Variants in ZNF831 observed in about 807,000 individuals in gnomAD.
The protein encoded by ZNF831 is zinc finger protein 831, also known as chromosome 20 open reading frame 174.
A neutral mutation model predicts 95.8 loss-of-function variants in ZNF831; 59 were observed. That is an observed-to-expected ratio of 0.62 (90% CI 0.50 to 0.77). ZNF831 has a LOEUF of 0.77. Ranked by LOEUF, ZNF831 falls within the 30% of genes least tolerant of loss-of-function variation. The pLI, the probability that ZNF831 is intolerant of heterozygous loss-of-function variation, is 0.00. For missense variants in ZNF831, 2,205 were observed against 2,164.0 expected (o/e 1.02, Z -0.38); for synonymous variants, 961 against 925.5 (o/e 1.04, Z -0.70).
chr20:59,223,303 G>A (rs1986219210), intron 4 of ZNF831, among the ~76,000 whole-genome samples: 1 of 152,176 alleles, frequency 6.6e-6, no homozygotes, highest in African/African-American at 2.4e-5. Flanking sequence ...GCTCCCAATC[G>A]CTGCACGGTG....
intron 1 of ZNF831, among the ~76,000 whole-genome samples, chr20:59,182,531 C>G (rs949018016): frequency 2.0e-5 from 3 of 151,962 alleles, no homozygotes; most frequent in Non-Finnish European, 2.9e-5. Context: ...GATGGCTGAG[C>G]GCAGCTGGCA....
intron 3 of ZNF831, among the ~76,000 whole-genome samples, chr20:59,202,109 A>T (rs113192410): frequency 5.9e-5 from 9 of 152,178 alleles, no homozygotes; most frequent in African/African-American, 1.9e-4. Flanking sequence ...TTTACTTGGG[A>T]TGGTAAATCT....
chr20:59,230,576 A>G (rs1986670407), intron 4 of ZNF831, among the ~76,000 whole-genome samples: 1 of 152,254 alleles, frequency 6.6e-6, no homozygotes, highest in African/African-American at 2.4e-5. Context: ...ACATGGCTGC[A>G]TTTCAATAAA....
intron 1 of ZNF831, among the ~76,000 whole-genome samples, chr20:59,140,105 A>G (rs1325677132): frequency 2.0e-5 from 3 of 152,222 alleles, no homozygotes; most frequent in Non-Finnish European, 4.4e-5. Flanking sequence ...TTTTTCTTTC[A>G]CAGGGGAACA....
intron 4 of ZNF831, among the ~76,000 whole-genome samples, chr20:59,250,493 GC>G: frequency 6.6e-6 from 1 of 152,164 alleles, no homozygotes; most frequent in East Asian, 1.9e-4. Context: ...CACCAAGTCA[GC>G]TTTTTTGTGC....
chr20:59,251,911 A>G (rs1342370607), intron 4 of ZNF831, among the ~76,000 whole-genome samples: 4 of 152,224 alleles, frequency 2.6e-5, no homozygotes, highest in Non-Finnish European at 5.9e-5. Context: ...AAACATACTA[A>G]TATAAACATG....
At chr20:59,124,633 C>T (rs1249324772) in intron 1 of ZNF831, among the ~76,000 whole-genome samples, 2 of 152,170 alleles carry the variant, frequency 1.3e-5, no homozygotes, top group East Asian at 3.9e-4. Context: ...GCTGGGCTCA[C>T]CACCCCAGCA....
At chr20:59,216,013 T>C (rs1985654334) in intron 4 of ZNF831, among the ~76,000 whole-genome samples, 1 of 152,342 alleles carries the variant, frequency 6.6e-6, no homozygotes, top group East Asian at 1.9e-4. Flanking sequence ...TAGTCGAGAC[T>C]TTCTTCTCTC....
At chr20:59,251,004 C>G (rs1987859840) in intron 4 of ZNF831, among the ~76,000 whole-genome samples, 1 of 152,038 alleles carries the variant, frequency 6.6e-6, no homozygotes, top group African/African-American at 2.4e-5. Flanking sequence ...AACATGGTAA[C>G]TATAGTTAAT....
chr20:59,235,898 AAGAC>A (rs1228795491), intron 4 of ZNF831, among the ~76,000 whole-genome samples: 1 of 152,232 alleles, frequency 6.6e-6, no homozygotes. Context: ...TCAGTGCTGA[AAGAC>A]AGACAGCCTT....
upstream of ZNF831, chr20:59,159,775 A>G (rs1049406308): frequency 6.6e-6 from 1 of 152,420 alleles, no homozygotes; most frequent in African/African-American, 2.4e-5. Context: ...GAGGCAGGGC[A>G]TTGCTGAGCC....
chr20:59,147,118 C>G (rs1016031107), intron 2 of ZNF831: 1 of 151,746 alleles, frequency 6.6e-6, no homozygotes, highest in Non-Finnish European at 1.5e-5. Context: ...AAAGGAAGAA[C>G]AACAAAGATG....
At chr20:59,231,239 C>T (rs1438697799) in intron 4 of ZNF831, among the ~76,000 whole-genome samples, 3 of 152,204 alleles carry the variant, frequency 2.0e-5, no homozygotes, top group East Asian at 3.8e-4. Flanking sequence ...CAACAATGTA[C>T]TGTAGCTGGA....
intron 1 of ZNF831, among the ~76,000 whole-genome samples, chr20:59,171,683 G>A (rs6100355): frequency 6.6e-6 from 1 of 152,114 alleles, no homozygotes; most frequent in Non-Finnish European, 1.5e-5. Context: ...ACATGAAGTA[G>A]GAGAAAGAAG....
chr20:59,154,466 C>T (rs1186417506), intron 2 of ZNF831, among the ~76,000 whole-genome samples: 1 of 152,208 alleles, frequency 6.6e-6, no homozygotes, highest in Non-Finnish European at 1.5e-5. Context: ...GCGATTGGTA[C>T]CTCCTTTTCC....
intron 1 of ZNF831, among the ~76,000 whole-genome samples, chr20:59,186,942 GAAA>G (rs79609582): frequency 7.5e-6 from 1 of 133,896 alleles, no homozygotes. Flanking sequence ...CTTTCAGGAT[GAAA>G]AAAAAAAAAA....
At chr20:59,223,997 C>A (rs1238463099) in intron 4 of ZNF831, among the ~76,000 whole-genome samples, 5 of 152,208 alleles carry the variant, frequency 3.3e-5, no homozygotes, top group Admixed American at 3.3e-4. Context: ...GCCACTGGAG[C>A]CAAACACTGA....
upstream of ZNF831, among the ~76,000 whole-genome samples, chr20:59,162,505 C>T (rs558707263): frequency 1.3e-5 from 2 of 152,342 alleles, no homozygotes; most frequent in South Asian, 4.1e-4. Context: ...CATTCTTCTG[C>T]ATATGGTTAG....
chr20:59,143,062 G>A (rs1979731828), intron 1 of ZNF831, among the ~76,000 whole-genome samples: 1 of 152,112 alleles, frequency 6.6e-6, no homozygotes, highest in Non-Finnish European at 1.5e-5. Flanking sequence ...ACCACACCTG[G>A]CTAACTTTTT....
Sources: allele counts gnomAD v4.1 joint callset (sites outside exome capture counted in the v4.1 genomes callset), GRCh38; gene constraint gnomAD v4.1.1; transcripts MANE v1.5; gene names NCBI Gene and HGNC (gene_info 2026-07-23, HGNC 2026-07-21).